ZNF568: variants seen among roughly 807,000 people sequenced by gnomAD.
The protein encoded by ZNF568 is zinc finger protein 568, also known as p53 inhibitor of SCO2 activation.
ZNF568 carries 11 observed loss-of-function variants against 18.1 expected under a neutral mutation model. That is an observed-to-expected ratio of 0.61 (90% CI 0.38 to 1.00). The LOEUF (loss-of-function observed/expected upper bound fraction) is 1.00. ZNF568 is among the 50% of genes least tolerant of loss of function. The pLI is 0.01. For synonymous variants in ZNF568, 213 were observed against 246.6 expected (o/e 0.86, Z 1.28); for missense variants, 639 against 768.2 (o/e 0.83, Z 1.99).
chr19:36,968,831 G>A (rs2074214488), intron 6 of ZNF568, among the ~76,000 whole-genome samples: 1 of 150,410 alleles, frequency 6.6e-6, no homozygotes, highest in Non-Finnish European at 1.5e-5. Flanking sequence ...TTGACAATTT[G>A]TGAATCTAAG....
chr19:36,956,099 GGT>G (rs2074105159), downstream of ZNF568, among the ~76,000 whole-genome samples: 1 of 152,170 alleles, frequency 6.6e-6, no homozygotes, highest in African/African-American at 2.4e-5. Context: ...GTAAGTCAAG[GGT>G]GTGATCGCAG....
At chr19:36,974,361 A>G in intron 6 of ZNF568, 5 of 1,482,544 alleles carry the variant, frequency 3.4e-6, no homozygotes, top group South Asian at 1.2e-5. Flanking sequence ...TGGCCTCCCA[A>G]GGGGTTCAGG....
At chr19:36,987,329 C>T (rs534660805) in intron 2 of ZNF568, among the ~76,000 whole-genome samples, 2 of 152,138 alleles carry the variant, frequency 1.3e-5, no homozygotes, top group African/African-American at 2.4e-5. Context: ...CTGCTGAGAG[C>T]CTGCTGATCC....
downstream of ZNF568, chr19:36,952,762 T>A (rs1374915417): frequency 1.5e-6 from 1 of 686,938 alleles, no homozygotes; most frequent in East Asian, 1.3e-4. Flanking sequence ...TGTAATAGTG[T>A]TTTTCTTGTT....
chr19:36,974,858 G>C (rs1644648), intron 7 of ZNF568, among the ~76,000 whole-genome samples: 2 of 142,814 alleles, frequency 1.4e-5, no homozygotes, highest in Non-Finnish European at 3.0e-5. Flanking sequence ...ACAGAGTCTC[G>C]TTCTGTTGCC....
chr19:36,992,716 T>A (rs1053377283), intron 4 of ZNF568, among the ~76,000 whole-genome samples: 1 of 152,154 alleles, frequency 6.6e-6, no homozygotes, highest in Non-Finnish European at 1.5e-5. Context: ...GTTCAGTAAT[T>A]TTTAGTCAGT....
At position 36,991,205 on chromosome 19, in the gene ZNF568, C is replaced by G. The variant is rs2074421108; in HGVS notation, c.39C>G (p.Tyr13Ter). The G allele has an allele frequency of 6.5e-7, 1 of 1,536,180 alleles. No individual in the cohort carries two copies. The highest frequency in any genetic ancestry group is 2.0e-5 in the Admixed American group (1 of 50,916). Residue 13 changes from tyrosine (Y) to a stop codon, truncating the protein, a stop_gained, in exon 3 of 5, where the codon TAC (tyrosine) becomes TAG (stop). Coordinates refer to the ZNF568 transcript ENST00000433993. LOFTEE classifies it high-confidence loss of function. Reference sequence around the variant, plus strand: ...TGAAGTTCAAAGATGTGGTCATTTACTTCTCTCAAAAGGAGTGGGAATGCT... The same window carrying G: ...TGAAGTTCAAAGATGTGGTCATTTAGTTCTCTCAAAAGGAGTGGGAATGCT...
In ZNF568 at chr19:36,950,161, T is replaced by C. The variant is rs1332738766; in HGVS notation, c.1008T>C (p.Cys336=). 9.9e-6 allele frequency: 16 copies of C among 1,613,770 alleles called. No homozygotes were observed. Among genetic ancestry groups the C allele is most frequent in the African/African-American group, 4.0e-5 (3 of 74,894 alleles). ...RIHTGEKPYE[C]KECGKSFSQK... ...ACACTGGAGAGAAACCCTATGAATG[T>C]AAGGAATGTGGGAAATCCTTCAGCC... Residue 336 remains cysteine (C), a synonymous_variant, in exon 7 of 7, where the codon TGT becomes TGC. Transcript: ENST00000333987.
chr19:36,987,808 AG>A (rs1484506811), intron 2 of ZNF568, among the ~76,000 whole-genome samples: 23 of 101,204 alleles, frequency 2.3e-4, no homozygotes, highest in South Asian at 8.0e-4. Context: ...TCAGAGAGAA[AG>A]AAAACACAGA....
chr19:36,997,554 TA>T, downstream of ZNF568: 1 of 1,586,114 alleles, frequency 6.3e-7, no homozygotes. Context: ...CCTACGAGTG[TA>T]AGGAGTGTGG....
At chr19:36,981,104 T>G (rs1483764402), downstream of ZNF568, among the ~76,000 whole-genome samples, 1 of 152,246 alleles carries the variant, frequency 6.6e-6, no homozygotes, top group Non-Finnish European at 1.5e-5. Context: ...CTCCTTTCTA[T>G]GTACTTCAGT....
chr19:36,924,441 A>C (rs11666458), intron 3 of ZNF568, among the ~76,000 whole-genome samples: 201 of 149,572 alleles, frequency 1.3e-3, no homozygotes, highest in Non-Finnish European at 2.4e-3. Context: ...CTGGTCTCGA[A>C]CTCCTGACCT....
At chr19:36,980,647 A>G (rs2074323664), downstream of ZNF568, among the ~76,000 whole-genome samples, 1 of 152,212 alleles carries the variant, frequency 6.6e-6, no homozygotes, top group Non-Finnish European at 1.5e-5. Flanking sequence ...CATATTTATA[A>G]CAGGGAAAGG....
intron 6 of ZNF568, among the ~76,000 whole-genome samples, chr19:36,939,424 ATCTCTGGGTTTCT>A (rs2073841881): frequency 6.6e-6 from 1 of 151,174 alleles, no homozygotes; most frequent in Non-Finnish European, 1.5e-5. Flanking sequence ...AGGAACTGCT[ATCTCTGGGTTTCT>A]TCCCTGCCTA....
At chr19:36,974,691 C>T (rs1007969907) in intron 7 of ZNF568, among the ~76,000 whole-genome samples, 2 of 152,152 alleles carry the variant, frequency 1.3e-5, no homozygotes, top group African/African-American at 4.8e-5. Flanking sequence ...TTTATTCATG[C>T]TCACAACAGT....
downstream of ZNF568, among the ~76,000 whole-genome samples, chr19:36,957,413 G>A (rs889507028): frequency 2.0e-5 from 3 of 151,782 alleles, no homozygotes; most frequent in African/African-American, 7.3e-5. Flanking sequence ...TGTATTTTTA[G>A]TAAAGATGAG....
intron 3 of ZNF568, chr19:36,991,699 T>C: frequency 6.9e-7 from 1 of 1,450,806 alleles, no homozygotes; most frequent in Non-Finnish European, 9.2e-7. Context: ...TAGGGACTGA[T>C]TTTTAATTCT....
At chr19:36,974,827 T>A (rs1340431095) in intron 7 of ZNF568, among the ~76,000 whole-genome samples, 1 of 28,548 alleles carries the variant, frequency 3.5e-5, no homozygotes, top group East Asian at 4.2e-4. Flanking sequence ...TGCTTACCAA[T>A]TTTTTTTTTT....
exon 7 of ZNF568, chr19:36,974,432 G>A: frequency 3.9e-6 from 6 of 1,536,122 alleles, no homozygotes; most frequent in Non-Finnish European, 5.2e-6. Context: ...CCCAGAAGAG[G>A]AGAGAACTGC....
Sources: allele counts gnomAD v4.1 joint callset (sites outside exome capture counted in the v4.1 genomes callset), GRCh38; gene constraint gnomAD v4.1.1; transcripts MANE v1.5; gene names NCBI Gene and HGNC (gene_info 2026-07-23, HGNC 2026-07-21).